The following SPEN variants were observed in gnomAD, a reference collection of about 807,000 sequenced individuals.
The protein encoded by SPEN is msx2-interacting protein.
A neutral mutation model predicts 269.9 loss-of-function variants in SPEN; 18 were observed. That is an observed-to-expected ratio of 0.07 (90% CI 0.05 to 0.10). The LOEUF (loss-of-function observed/expected upper bound fraction) is 0.10. Among genes scored for constraint, SPEN ranks in the 10% least tolerant of loss-of-function variants. The pLI, the probability that SPEN is intolerant of heterozygous loss-of-function variation, is 1.00. For synonymous variants in SPEN, 1,726 were observed against 1,765.7 expected (o/e 0.98, Z 0.56); for missense variants, 3,822 against 4,631.2 (o/e 0.83, Z 5.07).
At position 15,876,508 on chromosome 1, in the gene SPEN, C is replaced by T. The variant is rs771295589; in HGVS notation, c.711C>T (p.Tyr237=). The change falls in exon 3 of 15, where the codon TAC becomes TAT. Residue 237 remains tyrosine, a synonymous_variant. Transcript: ENST00000375759. The part of the protein sequence containing the change: ...EVRGRRPERN[Y]QHSRSRSPHS... ...GAGGCAGAAGGCCAGAGCGGAATTA[C>T]CAGCACAGCAGGAGTCGGTCACCAC... is the stretch of plus-strand genomic sequence containing the variant. 2 of 1,614,106 alleles carry T rather than the reference C, an allele frequency of 1.2e-6. No individual in the cohort carries two copies. The highest frequency in any genetic ancestry group is 1.7e-6 in the Non-Finnish European group (2 of 1,180,024).
In SPEN at chr1:15,934,403, C is replaced by T. The variant is rs771762613; in HGVS notation, c.8163C>T (p.Ala2721=). Residue 2721 remains alanine (A), a synonymous_variant, in exon 11 of 15, where the codon GCC becomes GCT. Coordinates refer to ENST00000375759, the MANE Select transcript of SPEN (RefSeq NM_015001.3). The surrounding 1 kb of genome is among the most constrained non-coding windows in gnomAD (Gnocchi z 9.2). Reference sequence around the variant, plus strand: ...CCACGGTGGGCACAGTGAATGCCGCCCCAGGCACAGTCAATGCCGCTGCGA... The same window carrying T: ...CCACGGTGGGCACAGTGAATGCCGCTCCAGGCACAGTCAATGCCGCTGCGA... ...VNATVGTVNA[A]PGTVNAAASA... The T allele has an allele frequency of 6.2e-6, 10 of 1,613,622 alleles. No individual in the cohort carries two copies. In the African/African-American group the frequency reaches 9.3e-5, roughly 15 times the overall value.
At position 15,928,669 on chromosome 1, in the gene SPEN, G is replaced by T. The variant is rs150519231; in HGVS notation, c.2429G>T (p.Arg810Leu). The change falls in exon 11 of 15, where the codon CGG becomes CTG. Residue 810 changes from arginine to leucine, a missense_variant. Arg to Leu is a moderately radical substitution (Grantham distance 102). Coordinates refer to ENST00000375759, the MANE Select transcript of SPEN (RefSeq NM_015001.3). The surrounding 1 kb of genome is among the most constrained non-coding windows in gnomAD (Gnocchi z 5.7). ...ERVERERRLIRKEKVEKDKTD... is the reference protein window; with the variant it reads ...ERVERERRLILKEKVEKDKTD... Reference sequence around the variant, plus strand: ...GTGGAGAGAGAGAGACGCTTAATACGGAAGGAAAAAGTGGAAAAGGACAAA... The same window carrying T: ...GTGGAGAGAGAGAGACGCTTAATACTGAAGGAAAAAGTGGAAAAGGACAAA... 6.2e-7 allele frequency: 1 copy of T among 1,613,858 alleles called. No homozygotes were observed. Among genetic ancestry groups the T allele is most frequent in the South Asian group, 1.1e-5 (1 of 91,074 alleles).
At chr1:15,914,633 C>A (rs2071040049) in intron 5 of SPEN, among the ~76,000 whole-genome samples, 2 of 151,984 alleles carry the variant, frequency 1.3e-5, no homozygotes, top group Admixed American at 1.3e-4. Flanking sequence ...GAGTAGCCTG[C>A]CCAACATGGC....
At chr1:15,880,213 T>G (rs1241975752) in intron 3 of SPEN, among the ~76,000 whole-genome samples, 5 of 152,150 alleles carry the variant, frequency 3.3e-5, no homozygotes, top group Admixed American at 3.3e-4. Flanking sequence ...CTGTTACCAC[T>G]GTCTTATGTC....
chr1:15,884,795 G>A (rs937842366), intron 3 of SPEN, among the ~76,000 whole-genome samples: 9 of 151,048 alleles, frequency 6.0e-5, no homozygotes, highest in African/African-American at 2.0e-4. Context: ...GTGCAGTGGT[G>A]CAATCTAAAC....
Position 15,938,015 on chromosome 1 carries a change from C to CT in SPEN, c.10704+10dup, listed in dbSNP as rs2071294247. 6.3e-7 allele frequency: 1 copy of CT among 1,591,478 alleles called. No individual in the cohort carries two copies. Among genetic ancestry groups the CT allele is most frequent in the Non-Finnish European group, 8.6e-7 (1 of 1,169,522 alleles). On this transcript the variant is annotated intron_variant, in intron 13 of 14. Coordinates refer to ENST00000375759, the MANE Select transcript of SPEN (RefSeq NM_015001.3). ...TTGCCCGAAGGATGACGGTAAGACTCTCAGGCCCAGGTGAGCAACTGCCCC... is the reference window on the plus strand; with the variant it reads ...TTGCCCGAAGGATGACGGTAAGACTCTTCAGGCCCAGGTGAGCAACTGCCCC...
chr1:15,878,836 C>T (rs1393305727), intron 3 of SPEN, among the ~76,000 whole-genome samples: 2 of 150,858 alleles, frequency 1.3e-5, no homozygotes, highest in South Asian at 2.1e-4. Context: ...ATGGTGAAAC[C>T]CTGTCTCTAC....
At chr1:15,885,952 G>T (rs953028301) in intron 3 of SPEN, among the ~76,000 whole-genome samples, 1 of 152,108 alleles carries the variant, frequency 6.6e-6, no homozygotes, top group African/African-American at 2.4e-5. Flanking sequence ...CTGTTTTAGG[G>T]GGTCATATTA....
chr1:15,934,396 A>G lies in SPEN; in HGVS notation c.8156A>G (p.Asn2719Ser). Reference protein sequence around the residue: ...TPVNATVGTVNAAPGTVNAAA... With the variant: ...TPVNATVGTVSAAPGTVNAAA... ...GTGAACGCCACGGTGGGCACAGTGA[A>G]TGCCGCCCCAGGCACAGTCAATGCC... Residue 2719 changes from asparagine to serine, a missense_variant, in exon 11 of 15, where the codon AAT (asparagine) becomes AGT (serine). Coordinates refer to ENST00000375759, the MANE Select transcript of SPEN (RefSeq NM_015001.3). This position sits in a 1 kb window ranked among gnomAD's most constrained non-coding sequence, Gnocchi z 9.2. 1 of 1,613,708 alleles carries G rather than the reference A, an allele frequency of 6.2e-7. No homozygotes were observed. The highest frequency in any genetic ancestry group is 8.5e-7 in the Non-Finnish European group (1 of 1,180,028).
At position 15,937,821 on chromosome 1, in the gene SPEN, A is replaced by G; in HGVS notation, c.10519A>G (p.Ile3507Val). Residue 3507 changes from isoleucine to valine, a missense_variant, in exon 13 of 15, where the codon ATC (isoleucine) becomes GTC (valine). Transcript: ENST00000375759. This position sits in a 1 kb window ranked among gnomAD's most constrained non-coding sequence, Gnocchi z 5.7. ...GTTTCCCTGTGAGCAGAAGTACCCC[A>G]TCGTGTGGCAGGGCCTGCTGGCCCT... ...DMVQLLKKYPIVWQGLLALKN... is the reference protein window; with the variant it reads ...DMVQLLKKYPVVWQGLLALKN... The G allele has an allele frequency of 6.2e-7, 1 of 1,614,032 alleles. No individual in the cohort carries two copies. Among genetic ancestry groups the G allele is most frequent in the Non-Finnish European group, 8.5e-7 (1 of 1,179,974 alleles).
chr1:15,899,664 T>C (rs1218919842), intron 3 of SPEN, among the ~76,000 whole-genome samples: 1 of 151,566 alleles, frequency 6.6e-6, no homozygotes, highest in Non-Finnish European at 1.5e-5. Flanking sequence ...GAGCCCAGTT[T>C]CACATGGTTA....
intron 1 of SPEN, among the ~76,000 whole-genome samples, chr1:15,867,333 A>G (rs1335070869): frequency 6.6e-6 from 1 of 152,166 alleles, no homozygotes; most frequent in African/African-American, 2.4e-5. Flanking sequence ...TTGCTGAACA[A>G]TATTCCATTG....
At chr1:15,921,726 A>G (rs1295361620) in intron 9 of SPEN, among the ~76,000 whole-genome samples, 1 of 152,218 alleles carries the variant, frequency 6.6e-6, no homozygotes, top group South Asian at 2.1e-4. Flanking sequence ...ATGTTTTTAA[A>G]AACTTGTATT....
At position 15,938,724 on chromosome 1, in the gene SPEN, A is replaced by G. The variant is rs2071305567; in HGVS notation, c.10711A>G (p.Thr3571Ala). The change falls in exon 14 of 15, where the codon ACA becomes GCA. Residue 3571 changes from threonine (T) to alanine (A), a missense_variant. Around this residue, in one of 16 missense-constraint regions of SPEN, gnomAD observed 103 missense variants for 215.8 expected, o/e 0.48. Transcript: ENST00000375759. ...CAGCTGGCCTCTGCCTCAGGTGGAG[A>G]CAGATTACTGTCTGCTGCTGGCTCT... Reference protein sequence around the residue: ...EGVARRMTVETDYCLLLALPC... With the variant: ...EGVARRMTVEADYCLLLALPC... 6.2e-7 allele frequency: 1 copy of G among 1,613,230 alleles called. No homozygotes were observed. The highest frequency in any genetic ancestry group is 1.3e-5 in the African/African-American group (1 of 74,816).
chr1:15,906,780 T>C (rs1238139758), intron 3 of SPEN, among the ~76,000 whole-genome samples: 1 of 143,188 alleles, frequency 7.0e-6, no homozygotes, highest in African/African-American at 2.7e-5. Context: ...CATCTTTTTT[T>C]TTTTTTTTTT....
intron 3 of SPEN, among the ~76,000 whole-genome samples, chr1:15,893,683 A>G (rs1570015771): frequency 6.6e-6 from 1 of 151,928 alleles, no homozygotes; most frequent in East Asian, 1.9e-4. Context: ...GTTAAATTGA[A>G]AAAAGGCCAG....
chr1:15,913,140 T>C (rs1436824224), intron 5 of SPEN, among the ~76,000 whole-genome samples: 1 of 152,218 alleles, frequency 6.6e-6, no homozygotes, highest in Non-Finnish European at 1.5e-5. Flanking sequence ...GATGGTTAAA[T>C]CATTAATGTT....
At chr1:15,895,847 T>A (rs616690) in intron 3 of SPEN, among the ~76,000 whole-genome samples, 16,017 of 150,902 alleles carry the variant, frequency 0.11, 1,217 homozygotes, top group Admixed American at 0.23. Flanking sequence ...GCCCAGCTAA[T>A]TTTTTTTTAT....
At chr1:15,851,951 C>T (rs2070340631) in intron 1 of SPEN, among the ~76,000 whole-genome samples, 1 of 151,940 alleles carries the variant, frequency 6.6e-6, no homozygotes, top group African/African-American at 2.4e-5. Context: ...CCACTGCACT[C>T]TAGCCTGGGG....
Sources: gnomAD v4.1 joint callset for allele counts (sites outside exome capture counted in the v4.1 genomes callset) on GRCh38, gnomAD v4.1.1 for gene constraint, gnomAD v4.1.1 regional missense constraint, Gnocchi (gnomAD v3.1) non-coding constraint, MANE v1.5 for transcripts, NCBI Gene and HGNC (gene_info 2026-07-23, HGNC 2026-07-21) for gene names.